NBAS: variants seen among roughly 807,000 people sequenced by gnomAD.
NBAS encodes the protein NBAS subunit of NRZ tethering complex.
In NBAS, 219 loss-of-function variants were observed where a neutral mutation model predicts 302.5. The observed-to-expected ratio is 0.72, with a 90% CI of 0.65 to 0.81. The LOEUF (loss-of-function observed/expected upper bound fraction) is 0.81, where lower values mean the gene tolerates loss of function less well. Ranked by LOEUF, NBAS falls within the 30% of genes least tolerant of loss-of-function variation. The pLI is 0.00. For missense variants in NBAS, 2,932 were observed against 2,841.6 expected (o/e 1.03, Z -0.72); for synonymous variants, 1,118 against 1,021.6 (o/e 1.09, Z -1.80).
the NBAS span, among the ~76,000 whole-genome samples, chr2:14,805,605 G>A: frequency 4.6e-5 from 7 of 152,268 alleles, no homozygotes; most frequent in South Asian, 1.5e-3. Context: ...ACAAGAAGAG[G>A]AGTAAGTAGG....
At chr2:15,373,349 G>C (rs7596951) in intron 31 of NBAS, among the ~76,000 whole-genome samples, 94,963 of 151,926 alleles carry the variant, frequency 0.63, 30,419 homozygotes, top group Middle Eastern at 0.68. Context: ...AAGTTATTTT[G>C]AGACAGGTTC....
intron 22 of NBAS, among the ~76,000 whole-genome samples, chr2:15,425,853 G>A (rs1014817038): frequency 2.6e-5 from 4 of 152,088 alleles, no homozygotes; most frequent in African/African-American, 4.8e-5. Context: ...AGAACTGACC[G>A]CTCCTCCTTC....
chr2:15,192,429 C>T (rs1033078565), intron 48 of NBAS, among the ~76,000 whole-genome samples: 2 of 151,798 alleles, frequency 1.3e-5, no homozygotes, highest in Admixed American at 1.3e-4. Flanking sequence ...AATGGAGTTG[C>T]CATAAATTTG....
the NBAS span, among the ~76,000 whole-genome samples, chr2:14,864,115 G>A: frequency 1.3e-5 from 2 of 152,098 alleles, no homozygotes; most frequent in South Asian, 2.1e-4. Context: ...TCAGGAGTTC[G>A]AGACCAGCCT....
At chr2:14,872,320 G>C in the NBAS span, among the ~76,000 whole-genome samples, 2 of 152,050 alleles carry the variant, frequency 1.3e-5, no homozygotes, top group Non-Finnish European at 2.9e-5. Context: ...AAATTAGCAG[G>C]TATCTAGAAG....
intron 6 of NBAS, among the ~76,000 whole-genome samples, chr2:15,539,926 T>G (rs1407769914): frequency 6.6e-6 from 1 of 152,000 alleles, no homozygotes; most frequent in Non-Finnish European, 1.5e-5. Context: ...CAAGAACTCA[T>G]GAGTCAATCA....
At chr2:15,017,432 T>C in the NBAS span, among the ~76,000 whole-genome samples, 373 of 151,810 alleles carry the variant, frequency 2.5e-3, 4 homozygotes, top group African/African-American at 8.7e-3. Context: ...GAAGTTAATA[T>C]CCAGAATATA....
At chr2:15,244,311 C>T (rs1045470907) in intron 44 of NBAS, among the ~76,000 whole-genome samples, 11 of 152,254 alleles carry the variant, frequency 7.2e-5, no homozygotes, top group Non-Finnish European at 1.2e-4. Flanking sequence ...AGGGTACAGG[C>T]CTCCAACAAG....
intron 40 of NBAS, among the ~76,000 whole-genome samples, chr2:15,306,699 T>A: frequency 6.6e-6 from 1 of 152,196 alleles, no homozygotes; most frequent in Non-Finnish European, 1.5e-5. Context: ...AAATGCATAT[T>A]TACTTTTAAC....
At chr2:15,121,107 G>C in the NBAS span, among the ~76,000 whole-genome samples, 3 of 152,076 alleles carry the variant, frequency 2.0e-5, no homozygotes, top group Admixed American at 2.0e-4. Flanking sequence ...ACAATTATTT[G>C]TCGATTTCAA....
chr2:15,042,873 T>C, the NBAS span, among the ~76,000 whole-genome samples: 1 of 152,150 alleles, frequency 6.6e-6, no homozygotes, highest in Non-Finnish European at 1.5e-5. Context: ...GGCCAGCTAG[T>C]ATATATTTCA....
At chr2:15,069,997 C>CA in the NBAS span, among the ~76,000 whole-genome samples, 4 of 151,568 alleles carry the variant, frequency 2.6e-5, no homozygotes, top group Non-Finnish European at 4.4e-5. Flanking sequence ...TGGTCAGAAC[C>CA]CCCCCACCAT....
At chr2:15,314,423 A>C (rs1261517839) in intron 38 of NBAS, among the ~76,000 whole-genome samples, 1 of 152,170 alleles carries the variant, frequency 6.6e-6, no homozygotes, top group African/African-American at 2.4e-5. Flanking sequence ...TAGTTACCTA[A>C]AGCCAATAAA....
chr2:14,810,038 A>G, the NBAS span, among the ~76,000 whole-genome samples: 1 of 152,212 alleles, frequency 6.6e-6, no homozygotes, highest in South Asian at 2.1e-4. Flanking sequence ...TATTTACCCA[A>G]TGCCTGTACT....
rs1357338054 is a variant in NBAS, at chr2:15,511,309, A to G, written c.788T>C (p.Met263Thr). 3 of 1,614,000 alleles carry G rather than the reference A, an allele frequency of 1.9e-6. No individual in the cohort carries two copies. The highest frequency in any genetic ancestry group is 2.5e-6 in the Non-Finnish European group (3 of 1,179,994). ...AAGGCCACAGCTAGAAGCTTTTGAC[A>G]TGCCTACTTCAGCAGTTTCACATCC... ...VGGCETAEVG[M>T]SKASSCGLSA... Residue 263 changes from methionine to threonine, a missense_variant, in exon 10 of 52, where the codon ATG (methionine) becomes ACG (threonine). Coordinates refer to ENST00000281513, the MANE Select transcript of NBAS (RefSeq NM_015909.4).
the NBAS span, among the ~76,000 whole-genome samples, chr2:15,087,695 C>T: frequency 6.6e-6 from 1 of 152,330 alleles, no homozygotes; most frequent in Non-Finnish European, 1.5e-5. Context: ...TGGCAAGATA[C>T]AGGAAATGTC....
chr2:14,860,869 A>C, the NBAS span, among the ~76,000 whole-genome samples: 3 of 152,206 alleles, frequency 2.0e-5, no homozygotes, highest in African/African-American at 7.2e-5. Flanking sequence ...AGCATAAAGA[A>C]AAGACAAAAA....
the NBAS span, among the ~76,000 whole-genome samples, chr2:15,130,407 A>T: frequency 6.6e-6 from 1 of 152,236 alleles, no homozygotes; most frequent in Non-Finnish European, 1.5e-5. Flanking sequence ...AGCATATGGT[A>T]CAGATGGCAA....
intron 34 of NBAS, among the ~76,000 whole-genome samples, chr2:15,353,021 A>G (rs1673441184): frequency 6.6e-6 from 1 of 152,066 alleles, no homozygotes; most frequent in Non-Finnish European, 1.5e-5. Context: ...ACTGTAAGAG[A>G]ATGACTATGG....
Sources: gnomAD v4.1 joint callset for allele counts (sites outside exome capture counted in the v4.1 genomes callset) on GRCh38, gnomAD v4.1.1 for gene constraint, MANE v1.5 for transcripts, NCBI Gene and HGNC (gene_info 2026-07-23, HGNC 2026-07-21) for gene names.